The following CFAP65 variants were observed in gnomAD, a reference collection of about 807,000 sequenced individuals.
CFAP65 encodes cilia and flagella associated protein 65, also known as cilia- and flagella-associated protein 65.
Under a neutral mutation model 208.0 loss-of-function variants are expected in CFAP65, and 155 were observed. The ratio of observed to expected loss-of-function variants is 0.75; its 90% CI spans 0.65 to 0.85. The LOEUF is 0.85. Ranked by LOEUF, CFAP65 falls within the 40% of genes least tolerant of loss-of-function variation. The probability of loss-of-function intolerance (pLI) is 0.00; values close to 1 mark genes in which losing one functional copy is unlikely to be tolerated. For missense variants in CFAP65, 2,294 were observed against 2,451.3 expected, an observed-to-expected ratio of 0.94 and a Z score of 1.36; for synonymous variants, 970 against 986.3, an observed-to-expected ratio of 0.98 and a Z score of 0.31.
At position 219,031,790 on chromosome 2, in the gene CFAP65, T is replaced by C; in HGVS notation, c.646-132A>G. Reference sequence around the variant, plus strand: ...AGGCCGTGGCACCCACGTCAGACTCTGAGGGGAGCTGGGCACCTATGTTGT... The same window carrying C: ...AGGCCGTGGCACCCACGTCAGACTCCGAGGGGAGCTGGGCACCTATGTTGT... On this transcript the variant is annotated intron_variant, in intron 6 of 34. Transcript: ENST00000341552. The surrounding 1 kb of genome is among the most constrained non-coding windows in gnomAD (Gnocchi z 5.2). 9.9e-7 allele frequency: 1 copy of C among 1,013,514 alleles called. No homozygotes were observed. The highest frequency in any genetic ancestry group is 1.4e-6 in the Non-Finnish European group (1 of 695,984). 62.8% of individuals were successfully genotyped at this position (1,013,514 alleles called of 1,614,324 possible).
In CFAP65 at chr2:219,016,390, G is replaced by A. The variant is rs553736829; in HGVS notation, c.3603-2346C>T. Among the ~76,000 whole-genome samples, 3 of 148,976 alleles carry A rather than the reference G, an allele frequency of 2.0e-5. No homozygotes were observed. The East Asian group carries it at 5.9e-4, about 29-fold the overall frequency. On this transcript the variant is annotated intron_variant, in intron 21 of 34. Transcript: ENST00000341552. ...GCTCACTGCAACCTCCACCTTCCAGGTTTAAGCAATTCTCCTGCCTCAGCC... is the reference window on the plus strand; with the variant it reads ...GCTCACTGCAACCTCCACCTTCCAGATTTAAGCAATTCTCCTGCCTCAGCC...
intron 4 of CFAP65, among the ~76,000 whole-genome samples, 153 bp from the exon 5 acceptor site, chr2:219,035,817 T>C (rs775832735): frequency 1.3e-5 from 2 of 151,878 alleles, no homozygotes; most frequent in Non-Finnish European, 2.9e-5. Context: ...CCCTCACCCC[T>C]TGGGGATGGT....
At chr2:219,010,188 G>A (rs1037569683) in intron 26 of CFAP65, 103 bp from the exon 27 acceptor site, 10 of 1,219,862 alleles carry the variant, frequency 8.2e-6, no homozygotes, top group South Asian at 1.6e-5. Context: ...AGGATCACGA[G>A]GTCAGAAAAT....
rs951001907 is a variant in CFAP65, at chr2:219,039,145, A to C, written c.-2-95T>G. On this transcript the variant is annotated intron_variant, in intron 2 of 34. Transcript: ENST00000341552. ...GAAATCATATGCAAATATATGTGGC[A>C]CATATATTTGTATATATGCCAGATG... 8.1e-5 allele frequency: 92 copies of C among 1,132,180 alleles called. 1 individual carries two copies. The East Asian group carries it at 2.2e-3, about 27-fold the overall frequency. The allele number at this position is 1,132,180 out of a possible 1,614,324, so 70.1% of individuals were successfully genotyped here.
At chr2:219,018,188 G>A (rs907627883) in intron 21 of CFAP65, 2 of 152,212 alleles carry the variant, frequency 1.3e-5, no homozygotes, top group African/African-American at 4.8e-5. Context: ...CCAGACCCCT[G>A]GATCCCTCTC....
rs957918336 is a variant in CFAP65, at chr2:219,028,222, C to T, written c.1830G>A (p.Gly610=). ...GTACCTGGATGGGAATCATGAGAGC[C>T]CCGTTCTGGTCCTGTGCCAGCTTCT... ...KEKKLAQDQN[G]ALMIPIQDLE... is the part of the protein sequence containing the mutation. Residue 610 remains glycine, a synonymous_variant, in exon 12 of 35, where the codon GGG becomes GGA. Transcript: ENST00000341552. 11 of 1,613,898 alleles carry T rather than the reference C, an allele frequency of 6.8e-6. No homozygotes were observed. The highest frequency in any genetic ancestry group is 1.3e-5 in the African/African-American group (1 of 74,888).
At position 219,035,425 on chromosome 2, in the gene CFAP65, C is replaced by T. The variant is rs771753008; in HGVS notation, c.542+55G>A. 1.9e-6 allele frequency: 3 copies of T among 1,614,006 alleles called. No individual in the cohort carries two copies. The South Asian group carries it at 3.3e-5, about 18-fold the overall frequency. On this transcript the variant is annotated intron_variant, in intron 5 of 34. Coordinates refer to ENST00000341552, the MANE Select transcript of CFAP65 (RefSeq NM_194302.4). ...TGTTTTGTTTTGTTTTGAAGAGAGC[C>T]TGCTTTCGGGGCTCAAGGCTGTGGC... is the stretch of plus-strand genomic sequence containing the variant.
chr2:219,035,700 G>A (rs1294827544), intron 4 of CFAP65, 36 bp from the exon 5 acceptor site: 1 of 1,578,920 alleles, frequency 6.3e-7, no homozygotes. Context: ...GAGCAGAAAG[G>A]ATGTATCAGC....
rs754040408 is a variant in CFAP65 at position 219,019,103 on chromosome 2, G to A, written c.3550C>T (p.Pro1184Ser). 3.1e-6 allele frequency: 5 copies of A among 1,614,260 alleles called. No individual in the cohort carries two copies. The Middle Eastern group carries it at 6.6e-4, about 213-fold the overall frequency. The change falls in exon 21 of 35, where the codon CCT becomes TCT. Residue 1184 changes from proline to serine, a missense_variant. Physicochemically the swap from Pro to Ser is moderately conservative, Grantham distance 74. Coordinates refer to ENST00000341552, the MANE Select transcript of CFAP65 (RefSeq NM_194302.4). ...NFGAAPFKAP[P>S]SVVFLALKNS... ...TTCAGGGCCAGGAATACCACGGAAG[G>A]TGGGGCCTTGAATGGTGCGGCCCCG... is the stretch of plus-strand genomic sequence containing the variant.
rs770945382 is a variant in CFAP65 at position 219,023,483 on chromosome 2, C to T, written c.2596-52G>A. On this transcript the variant is annotated intron_variant, in intron 15 of 34. Coordinates refer to ENST00000341552, the MANE Select transcript of CFAP65 (RefSeq NM_194302.4). Reference sequence around the variant, plus strand: ...CCCTGACCTCACTCTGCAGTCCCAGCCCCCCACAACATGTCCAGGAAGCCA... The same window carrying T: ...CCCTGACCTCACTCTGCAGTCCCAGTCCCCCACAACATGTCCAGGAAGCCA... The T allele has an allele frequency of 2.1e-5, 28 of 1,303,954 alleles. No homozygotes were observed. In the African/African-American group the frequency reaches 4.0e-4, roughly 19 times the overall value. 80.8% of individuals were successfully genotyped at this position (1,303,954 alleles called of 1,614,324 possible).
intron 3 of CFAP65, 70 bp downstream of exon 3, chr2:219,038,826 G>T (rs2106277574): frequency 6.6e-7 from 1 of 1,518,432 alleles, no homozygotes; most frequent in South Asian, 1.3e-5. Context: ...CACCCCACTA[G>T]GCCCCTCCAT....
chr2:219,009,494 A>T (rs1439892445), intron 27 of CFAP65, 34 bp from the exon 28 acceptor site: 1 of 1,448,508 alleles, frequency 6.9e-7, no homozygotes, highest in Non-Finnish European at 9.7e-7. Flanking sequence ...CTGGAGATTC[A>T]CAGGGATGGA....
At chr2:219,017,973 G>A (rs1947017409) in intron 21 of CFAP65, among the ~76,000 whole-genome samples, 1 of 152,106 alleles carries the variant, frequency 6.6e-6, no homozygotes, top group Non-Finnish European at 1.5e-5. Flanking sequence ...CCCCTAAAGA[G>A]CCAGTTTCCC....
In CFAP65 at chr2:219,004,164, T is replaced by G. The variant is rs1945773042; in HGVS notation, c.5343A>C (p.Glu1781Asp). 9 of 1,613,764 alleles carry G rather than the reference T, an allele frequency of 5.6e-6. No individual in the cohort carries two copies. Among genetic ancestry groups the G allele is most frequent in the Non-Finnish European group, 5.9e-6 (7 of 1,180,006 alleles). Residue 1781 changes from glutamate (E) to aspartate (D), a missense_variant, in exon 33 of 35, where the codon GAA becomes GAC. Around this residue, in one of 2 missense-constraint regions of CFAP65, gnomAD observed 1,427 missense variants for 1,438.7 expected, o/e 0.99. Coordinates refer to ENST00000341552, the MANE Select transcript of CFAP65 (RefSeq NM_194302.4). The surrounding 1 kb of genome is among the most constrained non-coding windows in gnomAD (Gnocchi z 4.7). ...EEEELEEEEE[E>D]EEETEEEELG... Reference sequence around the variant, plus strand: ...ACTCCTCCTCTTCTGTCTCCTCTTCTTCCTCCTCTTCCTCCTCCAACTCTT... The same window carrying G: ...ACTCCTCCTCTTCTGTCTCCTCTTCGTCCTCCTCTTCCTCCTCCAACTCTT...
At chr2:219,008,607 T>C (rs1298297256) in intron 29 of CFAP65, among the ~76,000 whole-genome samples, 3 of 152,154 alleles carry the variant, frequency 2.0e-5, no homozygotes, top group African/African-American at 4.8e-5. Context: ...TAGTCAGGTA[T>C]AGTGGTGGGC....
At chr2:219,041,536 G>C (rs375556881), upstream of CFAP65, 201 of 1,550,516 alleles carry the variant, frequency 1.3e-4, 1 homozygote, top group East Asian at 3.8e-3. Context: ...GCAGGAAACG[G>C]CGTCTTCAGA....
rs1945747675 is a variant in CFAP65 at position 219,003,807 on chromosome 2, C to T, written c.5555+145G>A. ...GCCGGGCGGATACTCCCACAGAGGC[C>T]TTAAGCTACCAACATGACCTCACTA... On this transcript the variant is annotated intron_variant, in intron 33 of 34. Coordinates refer to ENST00000341552, the MANE Select transcript of CFAP65 (RefSeq NM_194302.4). The surrounding 1 kb of genome is among the most constrained non-coding windows in gnomAD (Gnocchi z 4.4). The T allele has an allele frequency of 2.0e-6, 2 of 977,954 alleles. No individual in the cohort carries two copies. Among genetic ancestry groups the T allele is most frequent in the Non-Finnish European group, 3.0e-6 (2 of 657,262 alleles). The allele number at this position is 977,954 out of a possible 1,614,324, so 60.6% of individuals were successfully genotyped here. A position where few individuals can be genotyped will look rare whatever the true frequency, so the allele number is the denominator to read the frequency against.
chr2:219,028,122 G>T (rs1947770580), intron 12 of CFAP65, 79 bp downstream of exon 12: 1 of 1,569,932 alleles, frequency 6.4e-7, no homozygotes, highest in African/African-American at 1.3e-5. Context: ...ACTACTAATG[G>T]TGCCCATGGG....
At position 219,004,085 on chromosome 2, in the gene CFAP65, T is replaced by C; in HGVS notation, c.5422A>G (p.Lys1808Glu). 6.2e-7 allele frequency: 1 copy of C among 1,613,900 alleles called. No individual in the cohort carries two copies. Among genetic ancestry groups the C allele is most frequent in the Non-Finnish European group, 8.5e-7 (1 of 1,180,016 alleles). Residue 1808 changes from lysine (K) to glutamate (E), a missense_variant, in exon 33 of 35, where the codon AAA becomes GAA. Physicochemically the swap from Lys to Glu is moderately conservative, Grantham distance 56 (BLOSUM62 1). Transcript: ENST00000341552. This position sits in a 1 kb window ranked among gnomAD's most constrained non-coding sequence, Gnocchi z 4.7. The part of the protein sequence containing the change: ...KEEERDEKEE[K>E]VSWAGIGPTP... The stretch of plus-strand genomic sequence containing the variant: ...GGCCCGATGCCCGCCCAGCTCACTT[T>C]CTCTTCCTTCTCATCCCTCTCCTCC...
Sources: allele counts gnomAD v4.1 joint callset (sites outside exome capture counted in the v4.1 genomes callset), GRCh38; gene constraint gnomAD v4.1.1; regional missense constraint gnomAD v4.1.1; non-coding constraint Gnocchi (gnomAD v3.1); transcripts MANE v1.5; gene names NCBI Gene and HGNC (gene_info 2026-07-23, HGNC 2026-07-21).